ZNF24: variants seen among roughly 807,000 people sequenced by gnomAD.
The protein encoded by ZNF24 is retinoic acid suppression protein A.
Under a neutral mutation model 40.9 loss-of-function variants are expected in ZNF24, and 11 were observed. The observed-to-expected ratio is 0.27, with a 90% CI of 0.17 to 0.45. The LOEUF (loss-of-function observed/expected upper bound fraction) is 0.45. Ranked by LOEUF, ZNF24 falls within the 20% of genes least tolerant of loss-of-function variation. The pLI is 1.00. For synonymous variants in ZNF24, 139 were observed against 154.7 expected (o/e 0.90, Z 0.75); for missense variants, 293 against 437.7 (o/e 0.67, Z 2.95).
chr18:35,335,583 T>A lies in ZNF24; in HGVS notation c.*1649A>T, dbSNP rs1447243358. Reference sequence around the variant, plus strand: ...TAGGAAATATTTGTATTCACATGGGTCATTTTCCACACAATGATGCCCATT... The same window carrying A: ...TAGGAAATATTTGTATTCACATGGGACATTTTCCACACAATGATGCCCATT... On this transcript the variant is annotated 3_prime_UTR_variant, in exon 4 of 4. Transcript: ENST00000261332. 6.6e-6 allele frequency: 1 copy of A among 152,140 alleles called. No homozygotes were observed. The highest frequency in any genetic ancestry group is 1.5e-5 in the Non-Finnish European group (1 of 68,024). The allele number at this position is 152,140 out of a possible 1,614,324, so 9.4% of individuals were successfully genotyped here.
Position 35,340,552 on chromosome 18 carries a change from A to C in ZNF24, c.99T>G (p.Asp33Glu), listed in dbSNP as rs1356991672. 6.2e-7 allele frequency: 1 copy of C among 1,614,212 alleles called. No homozygotes were observed. Among genetic ancestry groups the C allele is most frequent in the Non-Finnish European group, 8.5e-7 (1 of 1,180,038 alleles). ...AGGGGATACTTGATCCCTCTTCGCC[A>C]TCAGGATCCTCCTCCAACTTCACTC... ...ILRVKLEEDPDGEEGSSIPWN... is the reference protein window; with the variant it reads ...ILRVKLEEDPEGEEGSSIPWN... The change falls in exon 2 of 4, where the codon GAT becomes GAG. Residue 33 changes from aspartate (D) to glutamate (E), a missense_variant. By Grantham distance (45) the Asp-to-Glu change is conservative (BLOSUM62 2). Coordinates refer to ENST00000261332, the MANE Select transcript of ZNF24 (RefSeq NM_006965.4). This position sits in a 1 kb window ranked among gnomAD's most constrained non-coding sequence, Gnocchi z 4.6.
chr18:35,343,482 C>T (rs1185341756), intron 1 of ZNF24, among the ~76,000 whole-genome samples: 2 of 152,024 alleles, frequency 1.3e-5, no homozygotes, highest in Non-Finnish European at 2.9e-5. Context: ...AGCCATTCAG[C>T]CTATTTATTT....
rs1264210465 is a variant in ZNF24, at chr18:35,340,682, T to G, written c.-32A>C. ...TTATAATATTTCAAGAAAAGACAAC[T>G]GAGGCAGAATATAAGCCTCAGGGCA... On this transcript the variant is annotated 5_prime_UTR_variant, in exon 2 of 4. Coordinates refer to ENST00000261332, the MANE Select transcript of ZNF24 (RefSeq NM_006965.4). This position sits in a 1 kb window ranked among gnomAD's most constrained non-coding sequence, Gnocchi z 4.6. 6.3e-7 allele frequency: 1 copy of G among 1,592,076 alleles called. No individual in the cohort carries two copies. The highest frequency in any genetic ancestry group is 8.5e-7 in the Non-Finnish European group (1 of 1,170,394).
Position 35,333,282 on chromosome 18 carries a change from G to A in ZNF24, c.*3950C>T, listed in dbSNP as rs535349712. ...TTAAAGACCTGTTATCTTTTTTTGA[G>A]ACCAAAATTTTAAAAAGCTACAGAA... On this transcript the variant is annotated 3_prime_UTR_variant, in exon 4 of 4. Transcript: ENST00000261332. 1 of 151,994 alleles carries A rather than the reference G, an allele frequency of 6.6e-6. No individual in the cohort carries two copies. Among genetic ancestry groups the A allele is most frequent in the Admixed American group, 6.5e-5 (1 of 15,280 alleles). 9.4% of individuals were successfully genotyped at this position (151,994 alleles called of 1,614,324 possible).
chr18:35,339,838 T>C lies in ZNF24; in HGVS notation c.559A>G (p.Arg187Gly). The change falls in exon 3 of 4, where the codon AGG (arginine) becomes GGG (glycine). Residue 187 changes from arginine to glycine, a missense_variant. Transcript: ENST00000261332. The part of the protein sequence containing the change: ...KWASWELHSL[R>G]HCDDDGRTEN... ...GAGTTCTGGTCCTCACCACAGTGCC[T>C]TAGGGAATGGAGCTCCCAGGATGCC... 1 of 1,607,528 alleles carries C rather than the reference T, an allele frequency of 6.2e-7. No homozygotes were observed. Among genetic ancestry groups the C allele is most frequent in the Non-Finnish European group, 8.5e-7 (1 of 1,174,708 alleles).
intron 3 of ZNF24, chr18:35,337,985 G>GC: frequency 2.2e-6 from 1 of 458,042 alleles, no homozygotes; most frequent in Non-Finnish European, 3.5e-6. Flanking sequence ...TAAAACATAG[G>GC]CAAGTGGTTT....
At chr18:35,339,381 A>T (rs1475329472) in intron 3 of ZNF24, among the ~76,000 whole-genome samples, 1 of 152,250 alleles carries the variant, frequency 6.6e-6, no homozygotes, top group African/African-American at 2.4e-5. Context: ...CTCTAGGTAG[A>T]CGTTGAAGGA....
intron 3 of ZNF24, chr18:35,338,763 G>A (rs1051093359): frequency 7.2e-6 from 9 of 1,252,898 alleles, no homozygotes; most frequent in Admixed American, 4.1e-5. Context: ...ACGGCACACA[G>A]GAAACAGAAA....
chr18:35,338,777 C>A, intron 3 of ZNF24: 1 of 1,261,178 alleles, frequency 7.9e-7, no homozygotes, highest in Non-Finnish European at 1.0e-6. Context: ...ACAGAAATTC[C>A]CAAGTGTGGA....
Position 35,339,023 on chromosome 18 carries a change from C to A in ZNF24, c.568+806G>T, listed in dbSNP as rs758951694. The A allele has an allele frequency of 2.9e-5, 45 of 1,535,834 alleles. No individual in the cohort carries two copies. In the African/African-American group the frequency reaches 5.6e-4, roughly 19 times the overall value. ...AGATGTGAAGAAAACCTGCTCAGAC[C>A]TCATTCAGTGGCATACCAGCACCAT... On this transcript the variant is annotated intron_variant, in intron 3 of 3. Coordinates refer to ENST00000261332, the MANE Select transcript of ZNF24 (RefSeq NM_006965.4).
At chr18:35,338,902 T>C (rs2043285292) in intron 3 of ZNF24, 7 of 1,418,588 alleles carry the variant, frequency 4.9e-6, no homozygotes, top group South Asian at 3.2e-5. Flanking sequence ...TCAAACTTTA[T>C]TGCACAGAAG....
intron 3 of ZNF24, chr18:35,338,820 T>C: frequency 5.9e-6 from 8 of 1,345,042 alleles, no homozygotes; most frequent in Non-Finnish European, 7.6e-6. Context: ...GGAACGCAGG[T>C]GAAAAGTCAC....
chr18:35,342,503 C>G (rs375070391), intron 1 of ZNF24: 26 of 151,574 alleles, frequency 1.7e-4, no homozygotes, highest in African/African-American at 6.3e-4. Flanking sequence ...TCCAATCCAG[C>G]GAGGTCCATT....
In ZNF24 at chr18:35,340,277, G is replaced by A; in HGVS notation, c.374C>T (p.Thr125Ile). Residue 125 changes from threonine to isoleucine, a missense_variant, in exon 2 of 4, where the codon ACA becomes ATA. This residue lies in a region of ZNF24 where 234 missense variants were observed against 299.2 expected (regional missense o/e 0.78). Coordinates refer to ENST00000261332, the MANE Select transcript of ZNF24 (RefSeq NM_006965.4). The surrounding 1 kb of genome is among the most constrained non-coding windows in gnomAD (Gnocchi z 4.6). The part of the protein sequence containing the change: ...HHPENGEEAV[T>I]VLEDLESELD... ...TTCACTCTCCAAATCCTCCAGCACT[G>A]TCACTGCCTCCTCTCCATTCTCTGG... The A allele has an allele frequency of 6.2e-7, 1 of 1,614,230 alleles. No homozygotes were observed. Among genetic ancestry groups the A allele is most frequent in the Non-Finnish European group, 8.5e-7 (1 of 1,180,036 alleles).
chr18:35,337,350 G>C lies in ZNF24; in HGVS notation c.989C>G (p.Thr330Ser), dbSNP rs1380493164. Residue 330 changes from threonine to serine, a missense_variant, in exon 4 of 4, where the codon ACT (threonine) becomes AGT (serine). Around this residue, in one of 2 missense-constraint regions of ZNF24, gnomAD observed 59 missense variants for 138.6 expected, o/e 0.43. Coordinates refer to ENST00000261332, the MANE Select transcript of ZNF24 (RefSeq NM_006965.4). The part of the protein sequence containing the change: ...SGLINHQRIH[T>S]GEKPYECVQC... Reference sequence around the variant, plus strand: ...AACGCATTCATAAGGTTTCTCCCCAGTATGGATTCTCTGATGATTAATAAG... The same window carrying C: ...AACGCATTCATAAGGTTTCTCCCCACTATGGATTCTCTGATGATTAATAAG... 1 of 1,613,718 alleles carries C rather than the reference G, an allele frequency of 6.2e-7. No homozygotes were observed.
At chr18:35,339,132 A>G in intron 3 of ZNF24, 1 of 1,284,752 alleles carries the variant, frequency 7.8e-7, no homozygotes, top group South Asian at 1.3e-5. Context: ...AAAGCAATCT[A>G]GCAGTTTTAG....
At chr18:35,337,832 A>T in intron 3 of ZNF24, 62 bp from the exon 4 acceptor site, 1 of 1,465,356 alleles carries the variant, frequency 6.8e-7, no homozygotes, top group Non-Finnish European at 9.0e-7. Context: ...AAACCTAAAA[A>T]AAATTTTTTT....
intron 3 of ZNF24, 82 bp from the exon 4 acceptor site, chr18:35,337,852 C>A: frequency 8.4e-7 from 1 of 1,197,104 alleles, no homozygotes. Context: ...TTTTAATGAA[C>A]TAAAATAGCT....
chr18:35,335,879 T>G lies in ZNF24; in HGVS notation c.*1353A>C, dbSNP rs2044902452. 6.6e-6 allele frequency: 1 copy of G among 152,184 alleles called. No individual in the cohort carries two copies. 9.4% of individuals were successfully genotyped at this position (152,184 alleles called of 1,614,324 possible). A position where few individuals can be genotyped will look rare whatever the true frequency, so the allele number is the denominator to read the frequency against. ...ATATGTAGGTACAACCTCAATGCTA[T>G]TAGAGATTGATTAGTTCTTTAAAAA... On this transcript the variant is annotated 3_prime_UTR_variant, in exon 4 of 4. Coordinates refer to ENST00000261332, the MANE Select transcript of ZNF24 (RefSeq NM_006965.4).
Sources: gnomAD v4.1 joint callset for allele counts (sites outside exome capture counted in the v4.1 genomes callset) on GRCh38, gnomAD v4.1.1 for gene constraint, gnomAD v4.1.1 regional missense constraint, Gnocchi (gnomAD v3.1) non-coding constraint, MANE v1.5 for transcripts, NCBI Gene and HGNC (gene_info 2026-07-23, HGNC 2026-07-21) for gene names.